DLG2: variants seen among roughly 807,000 people sequenced by gnomAD.
The protein encoded by DLG2 is discs large MAGUK scaffold protein 2, also known as disks large homolog 2.
DLG2 carries 45 observed loss-of-function variants against 132.5 expected under a neutral mutation model. The ratio of observed to expected loss-of-function variants is 0.34; its 90% CI spans 0.27 to 0.44. The LOEUF is 0.44. Ranked by LOEUF, DLG2 falls within the 20% of genes least tolerant of loss-of-function variation. The pLI is 1.00. For synonymous variants in DLG2, 424 were observed against 419.6 expected (o/e 1.01, Z -0.13); for missense variants, 1,045 against 1,196.9 (o/e 0.87, Z 1.87).
intron 6 of DLG2, among the ~76,000 whole-genome samples, chr11:84,995,926 T>C (rs76203326): frequency 0.02 from 3,000 of 152,288 alleles, 54 homozygotes; most frequent in Admixed American, 0.042. Flanking sequence ...GGCTTGCACA[T>C]GACAGGAAGA....
chr11:84,422,105 G>C (rs2098952919), intron 7 of DLG2, among the ~76,000 whole-genome samples: 1 of 152,180 alleles, frequency 6.6e-6, no homozygotes, highest in African/African-American at 2.4e-5. Context: ...TCAGAGTTGA[G>C]GAAGGTACTT....
chr11:84,899,205 T>C (rs1173987867), intron 6 of DLG2, among the ~76,000 whole-genome samples: 2 of 152,096 alleles, frequency 1.3e-5, no homozygotes, highest in Non-Finnish European at 2.9e-5. Flanking sequence ...TGATGGTTCT[T>C]CAGATACAAA....
intron 9 of DLG2, among the ~76,000 whole-genome samples, chr11:84,140,288 A>G (rs577315981): frequency 1.2e-4 from 19 of 152,198 alleles, no homozygotes; most frequent in African/African-American, 4.3e-4. Flanking sequence ...TCCTTTTCCT[A>G]TTTCACAGGG....
At chr11:84,387,015 T>G (rs1441613142) in intron 7 of DLG2, among the ~76,000 whole-genome samples, 1 of 152,122 alleles carries the variant, frequency 6.6e-6, no homozygotes, top group Non-Finnish European at 1.5e-5. Flanking sequence ...CTGAACCTCT[T>G]TTATTTAAAT....
chr11:84,714,876 G>C (rs1479892456), intron 6 of DLG2, among the ~76,000 whole-genome samples: 5 of 151,764 alleles, frequency 3.3e-5, no homozygotes, highest in Non-Finnish European at 5.9e-5. Flanking sequence ...TGCTGTTTTA[G>C]TCCTTGAACT....
chr11:84,916,857 G>A (rs1434718006), intron 6 of DLG2, among the ~76,000 whole-genome samples: 1 of 152,164 alleles, frequency 6.6e-6, no homozygotes, highest in East Asian at 1.9e-4. Context: ...CAGGCTTCTA[G>A]CTCAGGGCCT....
intron 11 of DLG2, among the ~76,000 whole-genome samples, chr11:84,033,801 G>A (rs2095782806): frequency 6.6e-6 from 1 of 152,130 alleles, no homozygotes; most frequent in Admixed American, 6.6e-5. Context: ...CACTTTGCGA[G>A]GCCCAGATGG....
At chr11:84,653,536 A>G (rs1488957042) in intron 6 of DLG2, among the ~76,000 whole-genome samples, 2 of 152,134 alleles carry the variant, frequency 1.3e-5, no homozygotes, top group Non-Finnish European at 2.9e-5. Context: ...TTATTTAAAC[A>G]TCCTCACTTC....
intron 3 of DLG2, among the ~76,000 whole-genome samples, chr11:85,562,732 T>C (rs2077325488): frequency 6.6e-6 from 1 of 151,826 alleles, no homozygotes; most frequent in Non-Finnish European, 1.5e-5. Context: ...ACTTCCCATC[T>C]ATTCATTCAT....
intron 6 of DLG2, among the ~76,000 whole-genome samples, chr11:84,851,470 GT>G (rs1316474912): frequency 6.6e-6 from 1 of 152,034 alleles, no homozygotes; most frequent in Non-Finnish European, 1.5e-5. Context: ...GAGCCCAGGA[GT>G]TTTGTGGCTT....
At chr11:85,462,179 A>G (rs944784780) in intron 3 of DLG2, among the ~76,000 whole-genome samples, 8 of 152,220 alleles carry the variant, frequency 5.3e-5, no homozygotes, top group Admixed American at 1.3e-4. Flanking sequence ...GTGCAGAAAT[A>G]GGAACACTTC....
intron 3 of DLG2, among the ~76,000 whole-genome samples, chr11:85,457,182 GT>G (rs960626703): frequency 1.3e-4 from 5 of 39,500 alleles, no homozygotes; most frequent in African/African-American, 3.0e-4. Context: ...GCCCTTCTTT[GT>G]CTTTTTTTTT....
intron 18 of DLG2, among the ~76,000 whole-genome samples, chr11:83,703,477 C>T (rs2083330101): frequency 6.6e-6 from 1 of 152,110 alleles, no homozygotes; most frequent in Non-Finnish European, 1.5e-5. Context: ...TGGAGAAACC[C>T]TGTCTCTACT....
At chr11:83,571,087 G>A (rs984689457) in intron 19 of DLG2, among the ~76,000 whole-genome samples, 3 of 151,962 alleles carry the variant, frequency 2.0e-5, no homozygotes, top group Non-Finnish European at 2.9e-5. Flanking sequence ...TCACCATGTT[G>A]GTCAGGGTGG....
intron 6 of DLG2, among the ~76,000 whole-genome samples, chr11:84,570,770 A>G (rs1481150790): frequency 6.6e-6 from 1 of 152,160 alleles, no homozygotes; most frequent in Non-Finnish European, 1.5e-5. Context: ...ATCTCAGTTT[A>G]GAAAATATAT....
At chr11:85,617,463 C>G (rs931366769) in intron 2 of DLG2, among the ~76,000 whole-genome samples, 1 of 152,162 alleles carries the variant, frequency 6.6e-6, no homozygotes, top group South Asian at 2.1e-4. Flanking sequence ...ATTGAAATTG[C>G]CTGTTTTTGC....
chr11:85,117,675 A>G (rs2073820217), intron 5 of DLG2, among the ~76,000 whole-genome samples: 1 of 151,826 alleles, frequency 6.6e-6, no homozygotes, highest in Non-Finnish European at 1.5e-5. Flanking sequence ...AAAAAATGAA[A>G]AGAGAAGTCT....
intron 6 of DLG2, among the ~76,000 whole-genome samples, chr11:84,911,124 T>C (rs996727570): frequency 6.6e-6 from 1 of 152,110 alleles, no homozygotes; most frequent in African/African-American, 2.4e-5. Flanking sequence ...TAATCCCACA[T>C]GTTATATTGT....
At chr11:84,848,471 TC>T (rs2081778105) in intron 6 of DLG2, among the ~76,000 whole-genome samples, 2 of 151,986 alleles carry the variant, frequency 1.3e-5, no homozygotes, top group South Asian at 4.2e-4. Flanking sequence ...TCCAGCATGT[TC>T]GACAGAGTGA....
Sources: gnomAD v4.1 joint callset for allele counts (sites outside exome capture counted in the v4.1 genomes callset) on GRCh38, gnomAD v4.1.1 for gene constraint, MANE v1.5 for transcripts, NCBI Gene and HGNC (gene_info 2026-07-23, HGNC 2026-07-21) for gene names.